CLSTN2: variants seen among roughly 807,000 people sequenced by gnomAD.
The protein encoded by CLSTN2 is calsyntenin-2.
Under a neutral mutation model 101.2 loss-of-function variants are expected in CLSTN2, and 48 were observed. That is an observed-to-expected ratio of 0.47 (90% CI 0.38 to 0.60). The LOEUF is 0.60. Ranked by LOEUF, CLSTN2 falls within the 20% of genes least tolerant of loss-of-function variation. The pLI is 0.00. For synonymous variants in CLSTN2, 481 were observed against 463.6 expected (o/e 1.04, Z -0.48); for missense variants, 1,160 against 1,238.2 (o/e 0.94, Z 0.95).
At chr3:140,545,058 G>A (rs1935560895) in intron 9 of CLSTN2, among the ~76,000 whole-genome samples, 1 of 152,050 alleles carries the variant, frequency 6.6e-6, no homozygotes, top group African/African-American at 2.4e-5. Flanking sequence ...GGATTAGTGG[G>A]TAAGAACTCT....
At chr3:139,949,811 C>T (rs892188519) in intron 1 of CLSTN2, among the ~76,000 whole-genome samples, 5 of 152,154 alleles carry the variant, frequency 3.3e-5, no homozygotes, top group Non-Finnish European at 7.4e-5. Flanking sequence ...CTATGTCATT[C>T]CTTGGGTCCT....
intron 6 of CLSTN2, among the ~76,000 whole-genome samples, chr3:140,458,169 A>G (rs76659176): frequency 6.8e-6 from 1 of 146,456 alleles, no homozygotes; most frequent in African/African-American, 2.5e-5. Context: ...ATGGTAGGAG[A>G]TTTTTTTTTT....
At chr3:140,130,175 G>A (rs188162200) in intron 1 of CLSTN2, among the ~76,000 whole-genome samples, 91 of 152,262 alleles carry the variant, frequency 6.0e-4, no homozygotes, top group Non-Finnish European at 1.1e-3. Context: ...CTAGAGATCC[G>A]GTGAGGCTCT....
At chr3:140,293,064 G>A (rs1486672816) in intron 2 of CLSTN2, among the ~76,000 whole-genome samples, 1 of 152,208 alleles carries the variant, frequency 6.6e-6, no homozygotes, top group Non-Finnish European at 1.5e-5. Flanking sequence ...TAGCAAAGAG[G>A]ACTGGAATCA....
intron 1 of CLSTN2, among the ~76,000 whole-genome samples, chr3:140,097,987 T>C (rs1417263446): frequency 6.6e-6 from 1 of 152,128 alleles, no homozygotes; most frequent in Non-Finnish European, 1.5e-5. Flanking sequence ...AATGCCATGA[T>C]ATAAGACATT....
intron 1 of CLSTN2, among the ~76,000 whole-genome samples, chr3:140,070,214 T>C (rs1280933216): frequency 6.6e-6 from 1 of 152,248 alleles, no homozygotes; most frequent in Non-Finnish European, 1.5e-5. Context: ...GATCTCATAT[T>C]TGGTGCAGAA....
At chr3:140,533,376 C>T (rs1432136184) in intron 9 of CLSTN2, among the ~76,000 whole-genome samples, 1 of 152,176 alleles carries the variant, frequency 6.6e-6, no homozygotes, top group Non-Finnish European at 1.5e-5. Flanking sequence ...GACTTTGACT[C>T]TTCACCATGA....
chr3:140,314,496 A>T (rs903319664), intron 2 of CLSTN2, among the ~76,000 whole-genome samples: 6 of 152,120 alleles, frequency 3.9e-5, no homozygotes, highest in African/African-American at 1.4e-4. Flanking sequence ...CCACTCCCCT[A>T]GAGGCCTCAT....
intron 1 of CLSTN2, among the ~76,000 whole-genome samples, chr3:140,140,180 CT>C (rs1367323294): frequency 6.6e-6 from 1 of 152,180 alleles, no homozygotes; most frequent in Non-Finnish European, 1.5e-5. Flanking sequence ...TTGAGAACCT[CT>C]GTCTAGGCAG....
chr3:140,117,594 T>G (rs1560100001), intron 1 of CLSTN2, among the ~76,000 whole-genome samples: 2 of 152,184 alleles, frequency 1.3e-5, no homozygotes. Flanking sequence ...GAAGCAGATA[T>G]CAATTTTCTA....
chr3:140,071,477 A>G (rs902021391), intron 1 of CLSTN2, among the ~76,000 whole-genome samples: 2 of 152,380 alleles, frequency 1.3e-5, no homozygotes, highest in Non-Finnish European at 2.9e-5. Flanking sequence ...GAGAAAATCA[A>G]TAAACAATCC....
intron 1 of CLSTN2, among the ~76,000 whole-genome samples, chr3:140,075,306 GTC>G (rs1052955911): frequency 2.0e-5 from 3 of 151,882 alleles, no homozygotes; most frequent in African/African-American, 4.8e-5. Flanking sequence ...CTTCACTTAA[GTC>G]TCTGCATTTT....
chr3:140,137,501 C>T (rs1269516049), intron 1 of CLSTN2, among the ~76,000 whole-genome samples: 1 of 152,182 alleles, frequency 6.6e-6, no homozygotes, highest in Non-Finnish European at 1.5e-5. Context: ...GCACATATCA[C>T]TTCGTGTCCT....
chr3:140,191,937 T>G (rs1401228614), intron 2 of CLSTN2, among the ~76,000 whole-genome samples: 2 of 151,920 alleles, frequency 1.3e-5, no homozygotes, highest in Admixed American at 6.6e-5. Flanking sequence ...GTGGGAGCTT[T>G]GATTATTGAT....
intron 1 of CLSTN2, among the ~76,000 whole-genome samples, chr3:140,154,361 G>A (rs1185590868): frequency 1.3e-5 from 2 of 152,042 alleles, no homozygotes; most frequent in Admixed American, 6.6e-5. Flanking sequence ...CAGTGTGACT[G>A]GGGGTGAGGG....
chr3:140,452,126 A>G (rs777468516), intron 6 of CLSTN2, among the ~76,000 whole-genome samples: 16 of 152,138 alleles, frequency 1.1e-4, no homozygotes, highest in Non-Finnish European at 2.9e-5. Flanking sequence ...TCCAGGAGCA[A>G]GGGCACACCT....
chr3:140,573,438 C>G lies in CLSTN2; in HGVS notation c.*7185C>G, dbSNP rs947579488. 1 of 152,156 alleles carries G rather than the reference C, an allele frequency of 6.6e-6. No individual in the cohort carries two copies. Among genetic ancestry groups the G allele is most frequent in the African/African-American group, 2.4e-5 (1 of 41,432 alleles). 9.4% of individuals were successfully genotyped at this position (152,156 alleles called of 1,614,324 possible). ...CATTTACAATTAGAATCTGTCTGGG[C>G]CTTCTGATTTCTAAAGTCTGTGAGG... On this transcript the variant is annotated 3_prime_UTR_variant, in exon 17 of 17. Coordinates refer to ENST00000458420, the MANE Select transcript of CLSTN2 (RefSeq NM_022131.3).
intron 1 of CLSTN2, among the ~76,000 whole-genome samples, chr3:140,092,261 C>T (rs1439948562): frequency 2.0e-5 from 3 of 152,190 alleles, no homozygotes; most frequent in Admixed American, 6.5e-5. Flanking sequence ...TGGGAACACA[C>T]TTTTGGACAT....
chr3:140,206,890 C>A (rs1404478502), intron 2 of CLSTN2, among the ~76,000 whole-genome samples: 1 of 152,200 alleles, frequency 6.6e-6, no homozygotes, highest in African/African-American at 2.4e-5. Flanking sequence ...GCAGAACCTA[C>A]AGCGCAGCTC....
Sources: gnomAD v4.1 joint callset for allele counts (sites outside exome capture counted in the v4.1 genomes callset) on GRCh38, gnomAD v4.1.1 for gene constraint, MANE v1.5 for transcripts, NCBI Gene and HGNC (gene_info 2026-07-23, HGNC 2026-07-21) for gene names.